ADAMTS16: variants seen among roughly 807,000 people sequenced by gnomAD.
ADAMTS16 encodes A disintegrin and metalloproteinase with thrombospondin motifs 16.
Under a neutral mutation model 145.8 loss-of-function variants are expected in ADAMTS16, and 94 were observed. The observed-to-expected ratio is 0.64, with a 90% CI of 0.55 to 0.77. The LOEUF (loss-of-function observed/expected upper bound fraction) is 0.77. Among genes scored for constraint, ADAMTS16 ranks in the 30% least tolerant of loss-of-function variants. ADAMTS16 has a pLI of 0.00. For missense variants in ADAMTS16, 1,585 were observed against 1,591.5 expected (o/e 1.00, Z 0.07); for synonymous variants, 659 against 604.3 (o/e 1.09, Z -1.33).
chr5:5,268,167 A>G (rs1187225421), intron 18 of ADAMTS16, among the ~76,000 whole-genome samples: 2 of 152,222 alleles, frequency 1.3e-5, no homozygotes, highest in East Asian at 1.9e-4. Context: ...GAGAAGCTTG[A>G]CAGATCCTGT....
At position 5,274,774 on chromosome 5, in the gene ADAMTS16, T is replaced by C. The variant is rs367891522; in HGVS notation, c.2789+11991T>C. 3.0e-3 allele frequency among the ~76,000 whole-genome samples: 449 copies of C among 152,144 alleles called. 2 individuals are homozygous for C. The highest frequency in any genetic ancestry group is 4.6e-3 in the Non-Finnish European group (311 of 67,992). ...TACACATATATGTATATCATCCATA[T>C]AAGAAAGGGCAGAAAGATACCTTGT... On this transcript the variant is annotated intron_variant, in intron 18 of 22. Transcript: ENST00000274181.
At chr5:5,274,640 A>T (rs1579367843) in intron 18 of ADAMTS16, among the ~76,000 whole-genome samples, 1 of 152,074 alleles carries the variant, frequency 6.6e-6, no homozygotes, top group East Asian at 1.9e-4. Context: ...GTACATTTTT[A>T]GTATTTTATA....
chr5:5,250,924 C>G (rs1737604564), intron 17 of ADAMTS16, among the ~76,000 whole-genome samples: 1 of 152,070 alleles, frequency 6.6e-6, no homozygotes, highest in Non-Finnish European at 1.5e-5. Flanking sequence ...CCTTTGGATT[C>G]AGAGTCCTCG....
At chr5:5,175,481 T>C (rs1168194872) in intron 3 of ADAMTS16, among the ~76,000 whole-genome samples, 1 of 152,160 alleles carries the variant, frequency 6.6e-6, no homozygotes, top group Non-Finnish European at 1.5e-5. Flanking sequence ...GGGGGAGGGC[T>C]AACACACTCA....
intron 7 of ADAMTS16, among the ~76,000 whole-genome samples, chr5:5,191,382 C>T (rs893911116): frequency 1.3e-5 from 2 of 152,062 alleles, no homozygotes; most frequent in African/African-American, 4.8e-5. Context: ...ATAGATTCCA[C>T]GCTTTATTAG....
At chr5:5,314,494 C>A (rs1419959345) in intron 21 of ADAMTS16, among the ~76,000 whole-genome samples, 1 of 152,168 alleles carries the variant, frequency 6.6e-6, no homozygotes, top group Non-Finnish European at 1.5e-5. Context: ...ATTTGGGAGA[C>A]TGAGGAACAA....
intron 8 of ADAMTS16, among the ~76,000 whole-genome samples, chr5:5,196,331 A>C (rs7720531): frequency 0.78 from 118,522 of 151,818 alleles, 46,371 homozygotes; most frequent in East Asian, 0.84. Context: ...CAGTCACTGG[A>C]GATGCCCCTT....
Position 5,306,688 on chromosome 5 carries a change from G to A in ADAMTS16, c.3371G>A (p.Gly1124Glu), listed in dbSNP as rs770920809. 3.1e-6 allele frequency: 5 copies of A among 1,613,526 alleles called. No homozygotes were observed. The highest frequency in any genetic ancestry group is 2.2e-5 in the South Asian group (2 of 91,038). The part of the protein sequence containing the change: ...CPRHPPFAAA[G>E]PSRGSWFASP... ...AGGCACCCCCCATTTGCTGCTGCGG[G>A]ACCCTCGAGGGGCAGCTGGTTTGCC... Residue 1124 changes from glycine (G) to glutamate (E), a missense_variant, in exon 21 of 23, where the codon GGA becomes GAA. Physicochemically the swap from Gly to Glu is moderately conservative, Grantham distance 98 (BLOSUM62 -2). This residue lies in a region of ADAMTS16 where 834 missense variants were observed against 811.7 expected (regional missense o/e 1.03). Transcript: ENST00000274181.
chr5:5,250,641 G>A (rs1737592588), intron 17 of ADAMTS16, among the ~76,000 whole-genome samples: 1 of 151,982 alleles, frequency 6.6e-6, no homozygotes, highest in Admixed American at 6.6e-5. Context: ...GTTTGGGACT[G>A]ACTTCTATTC....
intron 9 of ADAMTS16, among the ~76,000 whole-genome samples, chr5:5,201,757 A>G (rs1377575327): frequency 3.3e-5 from 5 of 152,244 alleles, no homozygotes; most frequent in East Asian, 1.9e-4. Context: ...AGTCTTTGTA[A>G]TGTACATGTC....
At chr5:5,241,833 G>A (rs1737300701) in intron 16 of ADAMTS16, among the ~76,000 whole-genome samples, 1 of 730 alleles carries the variant, frequency 1.4e-3, no homozygotes, top group South Asian at 0.17. Context: ...CTAACTGTAA[G>A]GAGAAGGTAC....
intron 3 of ADAMTS16, among the ~76,000 whole-genome samples, chr5:5,165,955 C>T (rs945336085): frequency 2.0e-5 from 3 of 152,180 alleles, no homozygotes; most frequent in Non-Finnish European, 2.9e-5. Context: ...GAATCATCTG[C>T]GACTCCCTCG....
intron 18 of ADAMTS16, among the ~76,000 whole-genome samples, chr5:5,266,907 A>G (rs2399735): frequency 0.02 from 3,071 of 152,328 alleles, 38 homozygotes; most frequent in Non-Finnish European, 0.031. Flanking sequence ...AGTAATGGAA[A>G]TCTAAGCAGT....
At chr5:5,300,737 T>A (rs1739734446) in intron 18 of ADAMTS16, among the ~76,000 whole-genome samples, 2 of 152,194 alleles carry the variant, frequency 1.3e-5, no homozygotes, top group Admixed American at 1.3e-4. Flanking sequence ...TTCTACCACC[T>A]AATTCATCCT....
At chr5:5,261,239 C>T (rs1043308228) in intron 17 of ADAMTS16, among the ~76,000 whole-genome samples, 6 of 151,898 alleles carry the variant, frequency 4.0e-5, no homozygotes, top group African/African-American at 9.7e-5. Context: ...CTTCCAGGCT[C>T]GAGTGATCTC....
chr5:5,259,124 G>A (rs184943621), intron 17 of ADAMTS16, among the ~76,000 whole-genome samples: 2 of 152,174 alleles, frequency 1.3e-5, no homozygotes, highest in Admixed American at 6.5e-5. Flanking sequence ...CACTGACAGC[G>A]ATAATTTTCT....
chr5:5,173,662 A>C (rs1399024616), intron 3 of ADAMTS16, among the ~76,000 whole-genome samples: 1 of 151,718 alleles, frequency 6.6e-6, no homozygotes. Flanking sequence ...TTTAGTAGAG[A>C]TGGGGTTTCA....
At chr5:5,235,896 A>G (rs1176900381) in intron 13 of ADAMTS16, among the ~76,000 whole-genome samples, 1 of 152,208 alleles carries the variant, frequency 6.6e-6, no homozygotes, top group Non-Finnish European at 1.5e-5. Context: ...TCATCATCTC[A>G]GTGCATACAG....
At chr5:5,250,946 G>C (rs1001160672) in intron 17 of ADAMTS16, among the ~76,000 whole-genome samples, 1 of 152,088 alleles carries the variant, frequency 6.6e-6, no homozygotes, top group Non-Finnish European at 1.5e-5. Context: ...GGCAGTCAGG[G>C]GAAGAAGAGG....
Sources: gnomAD v4.1 joint callset for allele counts (sites outside exome capture counted in the v4.1 genomes callset) on GRCh38, gnomAD v4.1.1 for gene constraint, gnomAD v4.1.1 regional missense constraint, MANE v1.5 for transcripts, NCBI Gene and HGNC (gene_info 2026-07-23, HGNC 2026-07-21) for gene names.